Variants in ANKRD55 observed in about 807,000 individuals in gnomAD.
ANKRD55 encodes ankyrin repeat domain 55.
A neutral mutation model predicts 60.6 loss-of-function variants in ANKRD55; 41 were observed. The observed-to-expected ratio is 0.68, with a 90% CI of 0.53 to 0.88. The LOEUF is 0.88. ANKRD55 is among the 40% of genes least tolerant of loss of function. The pLI, the probability that ANKRD55 is intolerant of heterozygous loss-of-function variation, is 0.00. For synonymous variants in ANKRD55, 264 were observed against 290.3 expected, an observed-to-expected ratio of 0.91 and a Z score of 0.92; for missense variants, 732 against 767.6, an observed-to-expected ratio of 0.95 and a Z score of 0.55.
intron 6 of ANKRD55, among the ~76,000 whole-genome samples, chr5:56,152,538 T>C (rs925904005): frequency 2.6e-5 from 4 of 152,252 alleles, no homozygotes; most frequent in East Asian, 1.9e-4. Context: ...ACACTCTTCC[T>C]GTCAAGGCTA....
At chr5:56,227,449 A>G (rs159998) in intron 2 of ANKRD55, among the ~76,000 whole-genome samples, 73,540 of 151,914 alleles carry the variant, frequency 0.48, 21,838 homozygotes, top group East Asian at 0.86. Flanking sequence ...TAACAAACCT[A>G]CACACTGTGC....
Position 56,133,952 on chromosome 5 carries a change from A to G in ANKRD55, c.613-6846T>C, listed in dbSNP as rs1360805578. On this transcript the variant is annotated intron_variant, in intron 7 of 11. Coordinates refer to ENST00000341048, the MANE Select transcript of ANKRD55 (RefSeq NM_024669.3). ...CAGAAGAAAAGAAAAAATAAAAATTAGAGAAGAAATCAATGAAGTAGAAAA... is the reference window on the plus strand; with the variant it reads ...CAGAAGAAAAGAAAAAATAAAAATTGGAGAAGAAATCAATGAAGTAGAAAA... Among the ~76,000 whole-genome samples the G allele has an allele frequency of 1.7e-5, 2 of 114,412 alleles. 1 individual carries two copies. Among genetic ancestry groups the G allele is most frequent in the African/African-American group, 5.7e-5 (2 of 35,202 alleles). 75.1% of individuals were successfully genotyped at this position (114,412 alleles called of 152,430 possible). A position where few individuals can be genotyped will look rare whatever the true frequency, so the allele number is the denominator to read the frequency against.
chr5:56,200,915 T>C (rs1759349973), intron 2 of ANKRD55, among the ~76,000 whole-genome samples: 1 of 152,198 alleles, frequency 6.6e-6, no homozygotes. Flanking sequence ...AGCTCTTTCT[T>C]AGATTGTTCC....
chr5:56,134,479 T>C (rs1442145724), intron 7 of ANKRD55, among the ~76,000 whole-genome samples: 1 of 110,352 alleles, frequency 9.1e-6, no homozygotes, highest in Non-Finnish European at 2.1e-5. Context: ...CTTGGGAAGC[T>C]GGGGCAAGAG....
Position 56,166,087 on chromosome 5 carries a change from TTTCTTTC to T in ANKRD55, c.422+4600_422+4606del, listed in dbSNP as rs1209027098. Reference sequence around the variant, plus strand: ...ACCCTTCAGGGATCTTTCTTTTCTTTTTCTTTCTTTCTTTCTTTCTTTCTTTCTTTCT... The same window carrying T: ...ACCCTTCAGGGATCTTTCTTTTCTTTTTTCTTTCTTTCTTTCTTTCTTTCT... On this transcript the variant is annotated intron_variant, in intron 5 of 11. Coordinates refer to ENST00000341048, the MANE Select transcript of ANKRD55 (RefSeq NM_024669.3). Among the ~76,000 whole-genome samples the T allele has an allele frequency of 4.9e-3, 62 of 12,550 alleles. 2 individuals carry two copies. The highest frequency in any genetic ancestry group is 0.011 in the South Asian group (4 of 360). 8.2% of individuals were successfully genotyped at this position (12,550 alleles called of 152,430 possible).
intron 10 of ANKRD55, among the ~76,000 whole-genome samples, chr5:56,108,805 G>A (rs1294217855): frequency 2.0e-5 from 3 of 152,196 alleles, no homozygotes; most frequent in Non-Finnish European, 2.9e-5. Context: ...TTGGGAGGCC[G>A]AGGCGGACGG....
At chr5:56,157,826 G>C (rs748957447) in intron 6 of ANKRD55, among the ~76,000 whole-genome samples, 1 of 152,084 alleles carries the variant, frequency 6.6e-6, no homozygotes, top group Non-Finnish European at 1.5e-5. Context: ...GCCGGCGCGC[G>C]TCCTCCTTAT....
Position 56,099,903 on chromosome 5 carries a change from C to T in ANKRD55, c.*280G>A. ...ACAGTGCACATGCCACAAAGCAAAC[C>T]AAACATAGCTCAGTTTTCCTACTGA... is the stretch of plus-strand genomic sequence containing the variant. On this transcript the variant is annotated 3_prime_UTR_variant, in exon 12 of 12. Coordinates refer to ENST00000341048, the MANE Select transcript of ANKRD55 (RefSeq NM_024669.3). 1 of 314,188 alleles carries T rather than the reference C, an allele frequency of 3.2e-6. No homozygotes were observed. 19.5% of individuals were successfully genotyped at this position (314,188 alleles called of 1,614,324 possible).
At chr5:56,109,026 ACT>A (rs1410039671) in intron 10 of ANKRD55, among the ~76,000 whole-genome samples, 1 of 140,924 alleles carries the variant, frequency 7.1e-6, no homozygotes, top group Non-Finnish European at 1.5e-5. Flanking sequence ...GACAAGTGAG[ACT>A]CTGTCTCAAA....
intron 2 of ANKRD55, among the ~76,000 whole-genome samples, chr5:56,223,030 C>G (rs1760009032): frequency 6.6e-6 from 1 of 152,074 alleles, no homozygotes; most frequent in Admixed American, 6.5e-5. Context: ...TCAAGAAGAC[C>G]AACTCCAAGA....
At chr5:56,137,133 T>C in intron 7 of ANKRD55, 5 of 1,343,352 alleles carry the variant, frequency 3.7e-6, no homozygotes, top group Non-Finnish European at 5.3e-6. Flanking sequence ...AGATGTCACT[T>C]TACAGAAACA....
chr5:56,207,451 G>C (rs561131264), intron 2 of ANKRD55, among the ~76,000 whole-genome samples: 8 of 152,320 alleles, frequency 5.3e-5, no homozygotes, highest in African/African-American at 1.9e-4. Flanking sequence ...GCCAGGGATA[G>C]TTCTGAGAAA....
At chr5:56,197,644 T>C (rs1287829502) in intron 2 of ANKRD55, among the ~76,000 whole-genome samples, 1 of 152,242 alleles carries the variant, frequency 6.6e-6, no homozygotes, top group Non-Finnish European at 1.5e-5. Flanking sequence ...TGATGTCTTA[T>C]GTTCTCTAAT....
intron 8 of ANKRD55, among the ~76,000 whole-genome samples, chr5:56,124,277 T>C (rs1181778630): frequency 6.6e-6 from 1 of 152,170 alleles, no homozygotes; most frequent in Non-Finnish European, 1.5e-5. Context: ...TACAATGTTT[T>C]AAGTACCATA....
chr5:56,159,086 G>A (rs1039120387), intron 6 of ANKRD55, among the ~76,000 whole-genome samples: 1 of 152,140 alleles, frequency 6.6e-6, no homozygotes, highest in Admixed American at 6.6e-5. Flanking sequence ...GGGCTCAAGT[G>A]ATCCTCCCAC....
chr5:56,144,040 T>A (rs1166414787), intron 6 of ANKRD55, 111 bp from the exon 7 acceptor site: 3 of 1,391,020 alleles, frequency 2.2e-6, no homozygotes, highest in Non-Finnish European at 3.0e-6. Context: ...GCGTTGGTTG[T>A]TTCCTGCTGG....
At chr5:56,217,370 T>C (rs941395817) in intron 2 of ANKRD55, among the ~76,000 whole-genome samples, 12 of 152,208 alleles carry the variant, frequency 7.9e-5, no homozygotes, top group Admixed American at 5.9e-4. Flanking sequence ...TTAATGTTGT[T>C]TTCATGCCTG....
intron 7 of ANKRD55, among the ~76,000 whole-genome samples, chr5:56,138,013 A>G (rs1301982961): frequency 1.3e-5 from 2 of 152,170 alleles, no homozygotes; most frequent in African/African-American, 4.8e-5. Flanking sequence ...AATCCAGAAC[A>G]CTGACAATAC....
intron 10 of ANKRD55, among the ~76,000 whole-genome samples, chr5:56,110,363 C>A (rs1044818201): frequency 1.3e-5 from 2 of 152,162 alleles, no homozygotes; most frequent in African/African-American, 4.8e-5. Flanking sequence ...TGTGCCACTG[C>A]ACTCTAGCCT....
Sources: gnomAD v4.1 joint callset for allele counts (sites outside exome capture counted in the v4.1 genomes callset) on GRCh38, gnomAD v4.1.1 for gene constraint, MANE v1.5 for transcripts, NCBI Gene and HGNC (gene_info 2026-07-23, HGNC 2026-07-21) for gene names.